The following KIRREL3 variants were observed in gnomAD, a reference collection of about 807,000 sequenced individuals.
KIRREL3 encodes kin of IRRE-like protein 3.
Under a neutral mutation model 89.7 loss-of-function variants are expected in KIRREL3, and 36 were observed. The observed-to-expected ratio is 0.40, with a 90% confidence interval of 0.31 to 0.53. The LOEUF (loss-of-function observed/expected upper bound fraction) is 0.53, where lower values mean the gene tolerates loss of function less well. KIRREL3 is among the 20% of genes least tolerant of loss of function. KIRREL3 has a pLI of 0.49. For missense variants in KIRREL3, 864 were observed against 1,056.6 expected, an observed-to-expected ratio of 0.82 and a Z score of 2.53; for synonymous variants, 445 against 441.4, an observed-to-expected ratio of 1.01 and a Z score of -0.10.
Position 126,768,170 on chromosome 11 carries a change from A to ATCCATCCAATCCATCCATCC in KIRREL3, c.56-205259_56-205258insGGATGGATGGATTGGATGGA. Among the ~76,000 whole-genome samples, 1 of 79,948 alleles carries ATCCATCCAATCCATCCATCC rather than the reference A, an allele frequency of 1.3e-5. No homozygotes were observed. The highest frequency in any genetic ancestry group is 3.9e-5 in the African/African-American group (1 of 25,338). The allele number at this position is 79,948 out of a possible 152,430, so 52.4% of individuals were successfully genotyped here. ...CATCCATCCATCCATCCATCCATCC[A>ATCCATCCAATCCATCCATCC]ATCCATCCATCCATCCATCCATCCA... is the stretch of plus-strand genomic sequence containing the variant. On this transcript the variant is annotated intron_variant, in intron 1 of 16. Transcript: ENST00000525144. The surrounding 1 kb of genome is among the most constrained non-coding windows in gnomAD (Gnocchi z 4.5).
chr11:126,939,653 T>C (rs1948354501), intron 1 of KIRREL3, among the ~76,000 whole-genome samples: 1 of 152,170 alleles, frequency 6.6e-6, no homozygotes, highest in Admixed American at 6.5e-5. Flanking sequence ...CCGGTACCTT[T>C]GTGAGGAGCA....
chr11:126,589,054 A>G (rs1942011061), intron 1 of KIRREL3, among the ~76,000 whole-genome samples: 1 of 152,182 alleles, frequency 6.6e-6, no homozygotes, highest in African/African-American at 2.4e-5. Context: ...CCCGCACACT[A>G]GCTGCCTCTC....
At position 126,605,168 on chromosome 11, in the gene KIRREL3, C is replaced by T. The variant is rs1048330475; in HGVS notation, c.56-42256G>A. Among the ~76,000 whole-genome samples the T allele has an allele frequency of 6.6e-6, 1 of 152,186 alleles. No homozygotes were observed. Among genetic ancestry groups the T allele is most frequent in the Non-Finnish European group, 1.5e-5 (1 of 68,026 alleles). On this transcript the variant is annotated intron_variant, in intron 1 of 16. Transcript: ENST00000525144. The surrounding 1 kb of genome is among the most constrained non-coding windows in gnomAD (Gnocchi z 5.7). The stretch of plus-strand genomic sequence containing the variant: ...CCTGGATTCCCTGCTCTCCCATCTG[C>T]AGCAGGTTGGGGCCCCATGGATAAC...
Position 126,752,191 on chromosome 11 carries a change from C to G in KIRREL3, c.56-189279G>C, listed in dbSNP as rs751973470. Among the ~76,000 whole-genome samples, 1 of 148,762 alleles carries G rather than the reference C, an allele frequency of 6.7e-6. No homozygotes were observed. The highest frequency in any genetic ancestry group is 1.5e-5 in the Non-Finnish European group (1 of 66,700). On this transcript the variant is annotated intron_variant, in intron 1 of 16. Transcript: ENST00000525144. The surrounding 1 kb of genome is among the most constrained non-coding windows in gnomAD (Gnocchi z 4.8). ...TAATGTATTGAAAGGATTTCCCAGG[C>G]TCAGCGTGGGTTGGTTGGGGGGGTT...
chr11:126,580,834 C>CT (rs1426665806), intron 1 of KIRREL3, among the ~76,000 whole-genome samples: 2 of 114,170 alleles, frequency 1.8e-5, no homozygotes, highest in East Asian at 4.5e-4. Flanking sequence ...CCGGAATTTC[C>CT]TGTTTTTTTT....
intron 4 of KIRREL3, among the ~76,000 whole-genome samples, chr11:126,514,588 C>G (rs1177694127): frequency 6.6e-6 from 1 of 152,224 alleles, no homozygotes; most frequent in African/African-American, 2.4e-5. Flanking sequence ...TGCTGCATAA[C>G]AGGCGCTATT....
Position 126,990,563 on chromosome 11 carries a change from C to G in KIRREL3, c.55+9892G>C, listed in dbSNP as rs1328033163. ...AAGCGCTGCTGCTGCCACCATCAGG[C>G]TGACTGAGGCACTGCAGCCTTCACC... On this transcript the variant is annotated intron_variant, in intron 1 of 16. Coordinates refer to ENST00000525144, the MANE Select transcript of KIRREL3 (RefSeq NM_032531.4). This position sits in a 1 kb window ranked among gnomAD's most constrained non-coding sequence, Gnocchi z 6.3. Among the ~76,000 whole-genome samples, 2 of 152,246 alleles carry G rather than the reference C, an allele frequency of 1.3e-5. No homozygotes were observed. Among genetic ancestry groups the G allele is most frequent in the Admixed American group, 6.5e-5 (1 of 15,292 alleles).
chr11:126,769,089 C>T lies in KIRREL3; in HGVS notation c.56-206177G>A, dbSNP rs777223594. Among the ~76,000 whole-genome samples the T allele has an allele frequency of 1.3e-4, 20 of 152,170 alleles. No individual in the cohort carries two copies. Among genetic ancestry groups the T allele is most frequent in the Non-Finnish European group, 2.4e-4 (16 of 68,030 alleles). On this transcript the variant is annotated intron_variant, in intron 1 of 16. Transcript: ENST00000525144. This position sits in a 1 kb window ranked among gnomAD's most constrained non-coding sequence, Gnocchi z 4.3. ...CATCTTGTTTACCTGTCAGACTCCTCGGGGCCTTTGAGCTCTAAGTCAGGT... is the reference window on the plus strand; with the variant it reads ...CATCTTGTTTACCTGTCAGACTCCTTGGGGCCTTTGAGCTCTAAGTCAGGT...
rs1421485326 is a variant in KIRREL3, at chr11:126,952,529, G to T, written c.55+47926C>A. On this transcript the variant is annotated intron_variant, in intron 1 of 16. Coordinates refer to ENST00000525144, the MANE Select transcript of KIRREL3 (RefSeq NM_032531.4). ...GCAAAAATTTTCTCCCATTTTTTAG[G>T]TTGTCTGTTCACTCTGATGATGGTT... 3.3e-5 allele frequency among the ~76,000 whole-genome samples: 5 copies of T among 152,234 alleles called. No individual in the cohort carries two copies. The South Asian group carries it at 1.0e-3, about 32-fold the overall frequency.
At chr11:126,434,429 C>G (rs1262194863) in intron 13 of KIRREL3, among the ~76,000 whole-genome samples, 1 of 152,226 alleles carries the variant, frequency 6.6e-6, no homozygotes, top group Non-Finnish European at 1.5e-5. Context: ...CTGCAGGGGC[C>G]TCTGTGAGCA....
chr11:126,904,485 A>C lies in KIRREL3; in HGVS notation c.55+95970T>G, dbSNP rs1166136129. 6.6e-6 allele frequency among the ~76,000 whole-genome samples: 1 copy of C among 152,234 alleles called. No homozygotes were observed. The highest frequency in any genetic ancestry group is 1.5e-5 in the Non-Finnish European group (1 of 68,042). ...GTTAACATAGCAGATATTTGGTCAG[A>C]AAATCTTTTATGAATTAGAAGTCAT... On this transcript the variant is annotated intron_variant, in intron 1 of 16. Coordinates refer to ENST00000525144, the MANE Select transcript of KIRREL3 (RefSeq NM_032531.4). This position sits in a 1 kb window ranked among gnomAD's most constrained non-coding sequence, Gnocchi z 4.4.
At position 126,526,706 on chromosome 11, in the gene KIRREL3, C is replaced by G; in HGVS notation, c.134-19G>C. 1 of 1,551,982 alleles carries G rather than the reference C, an allele frequency of 6.4e-7. No individual in the cohort carries two copies. Among genetic ancestry groups the G allele is most frequent in the Non-Finnish European group, 8.7e-7 (1 of 1,146,586 alleles). On this transcript the variant is annotated intron_variant, in intron 2 of 16. Coordinates refer to ENST00000525144, the MANE Select transcript of KIRREL3 (RefSeq NM_032531.4). The surrounding 1 kb of genome is among the most constrained non-coding windows in gnomAD (Gnocchi z 5.7). ...ACTTGGCCTGGGAAGGAGACAAACA[C>G]AATGGTCAGTTATCTGCCGGCTACA...
rs1459182258 is a variant in KIRREL3 at position 126,476,446 on chromosome 11, A to C, written c.434-2980T>G. Among the ~76,000 whole-genome samples the C allele has an allele frequency of 6.6e-6, 1 of 152,096 alleles. No homozygotes were observed. Among genetic ancestry groups the C allele is most frequent in the Non-Finnish European group, 1.5e-5 (1 of 68,010 alleles). On this transcript the variant is annotated intron_variant, in intron 4 of 16. Coordinates refer to ENST00000525144, the MANE Select transcript of KIRREL3 (RefSeq NM_032531.4). This position sits in a 1 kb window ranked among gnomAD's most constrained non-coding sequence, Gnocchi z 6.4. ...CTCCTTGTGGCTGGAGTGTTGTGTT[A>C]CTGGAATATCGGATTAGAGGCAGCG...
At position 126,788,717 on chromosome 11, in the gene KIRREL3, G is replaced by A. The variant is rs561916590; in HGVS notation, c.55+211738C>T. 1.3e-5 allele frequency among the ~76,000 whole-genome samples: 2 copies of A among 152,268 alleles called. No individual in the cohort carries two copies. Among genetic ancestry groups the A allele is most frequent in the South Asian group, 4.1e-4 (2 of 4,820 alleles). On this transcript the variant is annotated intron_variant, in intron 1 of 16. Transcript: ENST00000525144. The surrounding 1 kb of genome is among the most constrained non-coding windows in gnomAD (Gnocchi z 4.1). ...CAAAGGCCCTACAATTGCTATCAAA[G>A]GAACTGATTGTTTTGATCTGGAAGC...
At chr11:126,753,457 G>A (rs1157275436) in intron 1 of KIRREL3, among the ~76,000 whole-genome samples, 1 of 152,156 alleles carries the variant, frequency 6.6e-6, no homozygotes, top group Non-Finnish European at 1.5e-5. Context: ...TATCACAATT[G>A]AAAAAGAGGC....
At position 126,608,209 on chromosome 11, in the gene KIRREL3, G is replaced by A. The variant is rs571339300; in HGVS notation, c.56-45297C>T. On this transcript the variant is annotated intron_variant, in intron 1 of 16. Transcript: ENST00000525144. The surrounding 1 kb of genome is among the most constrained non-coding windows in gnomAD (Gnocchi z 4.9). ...GGGCCAGGACAGGTGGGAGAGAAAA[G>A]CAGGAGGCAGCTGAAGGGGGCGGTC... Among the ~76,000 whole-genome samples the A allele has an allele frequency of 8.9e-4, 136 of 152,312 alleles. No individual in the cohort carries two copies. Among genetic ancestry groups the A allele is most frequent in the Admixed American group, 4.8e-3 (73 of 15,312 alleles).
rs537034600 is a variant in KIRREL3, at chr11:126,953,516, T to C, written c.55+46939A>G. Among the ~76,000 whole-genome samples, 1 of 152,190 alleles carries C rather than the reference T, an allele frequency of 6.6e-6. No individual in the cohort carries two copies. Among genetic ancestry groups the C allele is most frequent in the South Asian group, 2.1e-4 (1 of 4,800 alleles). ...AATAACTAGAGTTTTGTTCATCTTT[T>C]CATAATAAACGTGCTGATAGTTCCA... On this transcript the variant is annotated intron_variant, in intron 1 of 16. Coordinates refer to ENST00000525144, the MANE Select transcript of KIRREL3 (RefSeq NM_032531.4). The surrounding 1 kb of genome is among the most constrained non-coding windows in gnomAD (Gnocchi z 5.2).
intron 1 of KIRREL3, among the ~76,000 whole-genome samples, chr11:126,690,717 A>G (rs1946846664): frequency 6.6e-6 from 1 of 152,178 alleles, no homozygotes; most frequent in Non-Finnish European, 1.5e-5. Flanking sequence ...AAGGCCTTAG[A>G]AAGTTTCGTC....
intron 12 of KIRREL3, among the ~76,000 whole-genome samples, chr11:126,435,911 C>T (rs1039284076): frequency 1.3e-5 from 2 of 152,122 alleles, no homozygotes; most frequent in Admixed American, 6.5e-5. Context: ...CAGCTGAGCA[C>T]GAATCCCTGG....
Sources: gnomAD v4.1 joint callset for allele counts (sites outside exome capture counted in the v4.1 genomes callset) on GRCh38, gnomAD v4.1.1 for gene constraint, Gnocchi (gnomAD v3.1) non-coding constraint, MANE v1.5 for transcripts, NCBI Gene and HGNC (gene_info 2026-07-23, HGNC 2026-07-21) for gene names.